The following NUDCD3 variants were observed in gnomAD, a reference collection of about 807,000 sequenced individuals.
The protein encoded by NUDCD3 is nudC domain-containing protein 3.
A neutral mutation model predicts 39.7 loss-of-function variants in NUDCD3; 13 were observed. The ratio of observed to expected loss-of-function variants is 0.33; its 90% CI spans 0.21 to 0.52. NUDCD3 has a LOEUF of 0.52. Ranked by LOEUF, NUDCD3 falls within the 20% of genes least tolerant of loss-of-function variation. The pLI is 0.96. For synonymous variants in NUDCD3, 175 were observed against 172.4 expected (o/e 1.02, Z -0.12); for missense variants, 453 against 458.1 (o/e 0.99, Z 0.10).
intron 2 of NUDCD3, among the ~76,000 whole-genome samples, chr7:44,477,822 CTTTTTTTTT>C (rs938640330): frequency 1.1e-5 from 1 of 94,152 alleles, no homozygotes; most frequent in African/African-American, 4.0e-5. Context: ...ATGAACAATT[CTTTTTTTTT>C]TTTTTTTTTT....
chr7:44,424,143 T>C (rs974251528), intron 3 of NUDCD3, among the ~76,000 whole-genome samples: 1 of 151,962 alleles, frequency 6.6e-6, no homozygotes, highest in Admixed American at 6.6e-5. Flanking sequence ...AAAAATTAAC[T>C]CAAGATGGAT....
In NUDCD3 at chr7:44,485,214, A is replaced by AT. The variant is rs1342423740; in HGVS notation, c.262dup (p.Ile88AsnfsTer18). Reference sequence around the variant, plus strand: ...GGCCTCTTCCTCTTCCTTTCTTCTGATTTTCTCTTCAAGTTCCTGCCTTCT... The same window carrying AT: ...GGCCTCTTCCTCTTCCTTTCTTCTGATTTTTCTCTTCAAGTTCCTGCCTTCT... On this transcript the variant is annotated frameshift_variant, in exon 2 of 6. Transcript: ENST00000355451. LOFTEE classifies it high-confidence loss of function. The AT allele has an allele frequency of 1.2e-6, 2 of 1,613,832 alleles. No individual in the cohort carries two copies. Among genetic ancestry groups the AT allele is most frequent in the Non-Finnish European group, 1.7e-6 (2 of 1,179,966 alleles).
intron 2 of NUDCD3, among the ~76,000 whole-genome samples, chr7:44,465,039 C>T (rs971397679): frequency 6.6e-6 from 1 of 152,302 alleles, no homozygotes; most frequent in South Asian, 2.1e-4. Flanking sequence ...GACACATGTG[C>T]TCTGCTCCAC....
In NUDCD3 at chr7:44,395,358, A is replaced by C. The variant is rs543054199; in HGVS notation, c.787-2873T>G. Among the ~76,000 whole-genome samples the C allele has an allele frequency of 8.5e-5, 13 of 152,318 alleles. No individual in the cohort carries two copies. In the East Asian group the frequency reaches 2.5e-3, roughly 29 times the overall value. On this transcript the variant is annotated intron_variant, in intron 4 of 5. Coordinates refer to ENST00000355451, the MANE Select transcript of NUDCD3 (RefSeq NM_015332.4). ...TGCATCAGTGTGGTATTTTATGAGGAGATGTGAGCCGACTTTATATTGAAC... is the reference window on the plus strand; with the variant it reads ...TGCATCAGTGTGGTATTTTATGAGGCGATGTGAGCCGACTTTATATTGAAC...
intron 2 of NUDCD3, 50 bp downstream of exon 2, chr7:44,484,918 C>T: frequency 1.5e-6 from 2 of 1,363,602 alleles, no homozygotes; most frequent in Non-Finnish European, 2.0e-6. Flanking sequence ...GAAACCCAAA[C>T]ACCAGATGTT....
At chr7:44,489,660 T>G (rs138320656) in intron 1 of NUDCD3, among the ~76,000 whole-genome samples, 1 of 152,220 alleles carries the variant, frequency 6.6e-6, no homozygotes, top group Non-Finnish European at 1.5e-5. Context: ...TTCTTTACAA[T>G]GGGCTCCATC....
At chr7:44,435,971 T>C (rs914535432) in intron 2 of NUDCD3, among the ~76,000 whole-genome samples, 36 of 152,170 alleles carry the variant, frequency 2.4e-4, no homozygotes, top group African/African-American at 7.2e-5. Context: ...AGGGAAATTA[T>C]AACAGGCTAA....
At chr7:44,390,103 G>A (rs1171486677) in intron 5 of NUDCD3, among the ~76,000 whole-genome samples, 3 of 152,150 alleles carry the variant, frequency 2.0e-5, no homozygotes, top group Non-Finnish European at 4.4e-5. Context: ...GGTGGCTCAC[G>A]TCTGTAATAC....
intron 3 of NUDCD3, among the ~76,000 whole-genome samples, chr7:44,417,862 C>T (rs1189144581): frequency 6.6e-6 from 1 of 152,114 alleles, no homozygotes; most frequent in African/African-American, 2.4e-5. Context: ...CTAGAGGTCA[C>T]CAGTTGCTGG....
chr7:44,403,219 C>T (rs1237927307), intron 4 of NUDCD3, among the ~76,000 whole-genome samples: 1 of 152,208 alleles, frequency 6.6e-6, no homozygotes, highest in Non-Finnish European at 1.5e-5. Flanking sequence ...TACCACTGGC[C>T]ATCAGCAGAG....
intron 2 of NUDCD3, among the ~76,000 whole-genome samples, chr7:44,458,658 C>CA (rs1447990170): frequency 7.3e-5 from 10 of 137,866 alleles, no homozygotes; most frequent in Non-Finnish European, 4.8e-5. Context: ...AACTCTGTCT[C>CA]GGGGGAAAAA....
At chr7:44,473,082 G>A (rs1156558911) in intron 2 of NUDCD3, among the ~76,000 whole-genome samples, 5 of 107,644 alleles carry the variant, frequency 4.6e-5, no homozygotes, top group African/African-American at 1.8e-4. Flanking sequence ...ACACCCCTTG[G>A]GGACTCATTA....
In NUDCD3 at chr7:44,399,524, G is replaced by A. The variant is rs550751150; in HGVS notation, c.786+4916C>T. Among the ~76,000 whole-genome samples, 7 of 152,310 alleles carry A rather than the reference G, an allele frequency of 4.6e-5. No individual in the cohort carries two copies. The South Asian group carries it at 1.5e-3, about 32-fold the overall frequency. Reference sequence around the variant, plus strand: ...GAAAGTTGTGGGGACTCAGGAAAGTGGCTCGCCAATGAGGACAAGTAGACA... The same window carrying A: ...GAAAGTTGTGGGGACTCAGGAAAGTAGCTCGCCAATGAGGACAAGTAGACA... On this transcript the variant is annotated intron_variant, in intron 4 of 5. Coordinates refer to ENST00000355451, the MANE Select transcript of NUDCD3 (RefSeq NM_015332.4).
chr7:44,432,934 C>T (rs889411763), intron 2 of NUDCD3, among the ~76,000 whole-genome samples: 4 of 152,172 alleles, frequency 2.6e-5, no homozygotes, highest in African/African-American at 4.8e-5. Context: ...TCCCCTAAAA[C>T]GTGTATCTTG....
At chr7:44,464,959 G>A (rs1300630357) in intron 2 of NUDCD3, among the ~76,000 whole-genome samples, 1 of 151,990 alleles carries the variant, frequency 6.6e-6, no homozygotes, top group African/African-American at 2.4e-5. Context: ...CCCAGGGGCC[G>A]AGCCGAGGGC....
chr7:44,429,518 T>C (rs1191414133), intron 2 of NUDCD3, among the ~76,000 whole-genome samples: 2 of 152,200 alleles, frequency 1.3e-5, no homozygotes, highest in Non-Finnish European at 1.5e-5. Flanking sequence ...TGCTGACACC[T>C]TGATCTCAGA....
intron 5 of NUDCD3, among the ~76,000 whole-genome samples, chr7:44,391,942 C>T (rs1177579685): frequency 2.0e-5 from 3 of 152,286 alleles, no homozygotes; most frequent in Non-Finnish European, 2.9e-5. Flanking sequence ...TCCCACCAAG[C>T]GACTCTTCAT....
Position 44,382,959 on chromosome 7 carries a change from C to T in NUDCD3, c.*3052G>A, listed in dbSNP as rs768227321. On this transcript the variant is annotated 3_prime_UTR_variant, in exon 6 of 6. Transcript: ENST00000355451. ...CCTTTCTGGCGGGTTATTTCTGGCC[C>T]TGGGAGTATGCTAGGCAATTCTAAG... is the stretch of plus-strand genomic sequence containing the variant. 2.6e-5 allele frequency: 4 copies of T among 152,268 alleles called. No individual in the cohort carries two copies. The highest frequency in any genetic ancestry group is 1.5e-5 in the Non-Finnish European group (1 of 68,092). The allele number at this position is 152,268 out of a possible 1,614,324, so 9.4% of individuals were successfully genotyped here. A position where few individuals can be genotyped will look rare whatever the true frequency, so the allele number is the denominator to read the frequency against.
At chr7:44,392,635 G>T in intron 4 of NUDCD3, 150 bp from the exon 5 acceptor site, 1 of 653,312 alleles carries the variant, frequency 1.5e-6, no homozygotes. Context: ...GGGGGTGCCA[G>T]AACCCAAGGC....
Sources: gnomAD v4.1 joint callset for allele counts (sites outside exome capture counted in the v4.1 genomes callset) on GRCh38, gnomAD v4.1.1 for gene constraint, MANE v1.5 for transcripts, NCBI Gene and HGNC (gene_info 2026-07-23, HGNC 2026-07-21) for gene names.